Variants in TOP6BL observed in about 807,000 individuals in gnomAD.
TOP6BL encodes type 2 DNA topoisomerase 6 subunit B-like.
the TOP6BL span, chr11:66,761,726 C>T: frequency 1.3e-6 from 1 of 788,092 alleles, no homozygotes; most frequent in Non-Finnish European, 2.2e-6. Flanking sequence ...ATATAAGGCC[C>T]AGTCCAGGGA....
the TOP6BL span, among the ~76,000 whole-genome samples, chr11:66,826,027 T>TAG: frequency 6.6e-6 from 1 of 152,114 alleles, no homozygotes; most frequent in East Asian, 1.9e-4. Context: ...GTATTTTTAG[T>TAG]AGAGACGGGG....
At chr11:66,817,695 C>T in the TOP6BL span, among the ~76,000 whole-genome samples, 1 of 152,094 alleles carries the variant, frequency 6.6e-6, no homozygotes, top group African/African-American at 2.4e-5. Flanking sequence ...CCTCAGCCCC[C>T]CAAAGTACTG....
chr11:66,753,774 G>C, the TOP6BL span, among the ~76,000 whole-genome samples: 1 of 146,282 alleles, frequency 6.8e-6, no homozygotes, highest in East Asian at 2.0e-4. Flanking sequence ...GCATGATCTC[G>C]GCTCACTGCA....
At chr11:66,787,939 A>G in the TOP6BL span, among the ~76,000 whole-genome samples, 1 of 152,234 alleles carries the variant, frequency 6.6e-6, no homozygotes, top group Non-Finnish European at 1.5e-5. Context: ...AATGTAAAAA[A>G]TTGAAAAGAT....
chr11:66,803,351 G>A, the TOP6BL span, among the ~76,000 whole-genome samples: 3 of 152,154 alleles, frequency 2.0e-5, no homozygotes, highest in East Asian at 5.8e-4. Flanking sequence ...GGAGGCCAAG[G>A]CAGAAAGATT....
the TOP6BL span, among the ~76,000 whole-genome samples, chr11:66,823,557 A>T: frequency 5.3e-5 from 8 of 152,070 alleles, no homozygotes; most frequent in Non-Finnish European, 7.4e-5. Context: ...GTGGTGGCTC[A>T]TGCCTGTAAT....
At chr11:66,812,903 C>G in the TOP6BL span, among the ~76,000 whole-genome samples, 1 of 152,142 alleles carries the variant, frequency 6.6e-6, no homozygotes, top group African/African-American at 2.4e-5. Flanking sequence ...CAGGACTGCC[C>G]ACCGCAGTGA....
the TOP6BL span, among the ~76,000 whole-genome samples, chr11:66,756,910 G>A: frequency 4.3e-4 from 65 of 151,938 alleles, no homozygotes; most frequent in African/African-American, 1.4e-3. Flanking sequence ...GGGGTTTTGT[G>A]ATATTACCCA....
chr11:66,775,526 G>A, the TOP6BL span, among the ~76,000 whole-genome samples: 2 of 152,284 alleles, frequency 1.3e-5, no homozygotes, highest in South Asian at 4.1e-4. Flanking sequence ...GACATGTGTC[G>A]CCTTCCAGGA....
chr11:66,789,617 T>G, the TOP6BL span, among the ~76,000 whole-genome samples: 1 of 152,108 alleles, frequency 6.6e-6, no homozygotes, highest in Non-Finnish European at 1.5e-5. Context: ...AAAAGGTGAT[T>G]CCAGTGAACC....
the TOP6BL span, among the ~76,000 whole-genome samples, chr11:66,794,809 C>T: frequency 6.6e-6 from 1 of 152,146 alleles, no homozygotes; most frequent in Non-Finnish European, 1.5e-5. Context: ...AGGCATGTTG[C>T]TTAACTTCTC....
chr11:66,814,732 A>G, the TOP6BL span, among the ~76,000 whole-genome samples: 1 of 152,198 alleles, frequency 6.6e-6, no homozygotes, highest in Admixed American at 6.5e-5. Context: ...ACTACTGTGG[A>G]AGAGAAATGC....
At chr11:66,783,624 G>A in the TOP6BL span, among the ~76,000 whole-genome samples, 2 of 151,640 alleles carry the variant, frequency 1.3e-5, no homozygotes, top group African/African-American at 2.4e-5. Context: ...TTGTTTTTTC[G>A]AAATTTAGCC....
At chr11:66,834,387 G>A in the TOP6BL span, among the ~76,000 whole-genome samples, 1 of 152,250 alleles carries the variant, frequency 6.6e-6, no homozygotes, top group Middle Eastern at 3.4e-3. Context: ...AACATCCTCT[G>A]GTAATGGCCA....
At chr11:66,758,989 C>CGAAA in the TOP6BL span, 33 of 1,317,608 alleles carry the variant, frequency 2.5e-5, no homozygotes, top group Non-Finnish European at 3.3e-5. Flanking sequence ...TTGATTCTTT[C>CGAAA]AATAGAATGC....
the TOP6BL span, among the ~76,000 whole-genome samples, chr11:66,795,141 A>AT: frequency 1.0e-3 from 155 of 152,024 alleles, 1 homozygote; most frequent in East Asian, 0.029. Context: ...TCTCAAAAAA[A>AT]AATATATATA....
At chr11:66,763,136 G>C in the TOP6BL span, among the ~76,000 whole-genome samples, 1 of 152,216 alleles carries the variant, frequency 6.6e-6, no homozygotes, top group Non-Finnish European at 1.5e-5. Flanking sequence ...AGGCATTTGA[G>C]GCTGCAGTGA....
the TOP6BL span, among the ~76,000 whole-genome samples, chr11:66,759,756 T>C: frequency 6.6e-6 from 1 of 152,126 alleles, no homozygotes; most frequent in Non-Finnish European, 1.5e-5. Flanking sequence ...GCTAATTTTT[T>C]GTATCTTAGT....
chr11:66,750,137 C>T, the TOP6BL span, among the ~76,000 whole-genome samples: 1 of 152,152 alleles, frequency 6.6e-6, no homozygotes, highest in Non-Finnish European at 1.5e-5. Context: ...ATACATATGA[C>T]TGTGCTATGT....
Sources: allele counts gnomAD v4.1 joint callset (sites outside exome capture counted in the v4.1 genomes callset), GRCh38; gene constraint gnomAD v4.1.1; transcripts MANE v1.5; gene names NCBI Gene and HGNC (gene_info 2026-07-23, HGNC 2026-07-21).